SCAMP4: variants seen among roughly 807,000 people sequenced by gnomAD.
SCAMP4 encodes the protein secretory carrier membrane protein 4.
SCAMP4 carries 19 observed loss-of-function variants against 32.1 expected under a neutral mutation model. The ratio of observed to expected loss-of-function variants is 0.59; its 90% CI spans 0.41 to 0.87. The LOEUF is 0.87. SCAMP4 is among the 40% of genes least tolerant of loss of function. SCAMP4 has a pLI of 0.00. For missense variants in SCAMP4, 302 were observed against 309.0 expected (o/e 0.98, Z 0.17); for synonymous variants, 152 against 132.7 (o/e 1.15, Z -1.00).
chr19:1,918,770 A>T lies in SCAMP4; in HGVS notation c.294-119A>T, dbSNP rs942723502. The T allele has an allele frequency of 3.6e-3, 5,114 of 1,435,200 alleles. 20 individuals carry two copies. The highest frequency in any genetic ancestry group is 4.1e-3 in the Non-Finnish European group (4,448 of 1,086,664). 88.9% of individuals were successfully genotyped at this position (1,435,200 alleles called of 1,614,324 possible). A position where few individuals can be genotyped will look rare whatever the true frequency, so the allele number is the denominator to read the frequency against. On this transcript the variant is annotated intron_variant, in intron 4 of 6. Transcript: ENST00000316097. The stretch of plus-strand genomic sequence containing the variant: ...GAGTGAGACTCCATCTCAAAAAAAA[A>T]AAAAAAGGAATAAAATAGAGCCTCC...
intron 1 of SCAMP4, among the ~76,000 whole-genome samples, chr19:1,910,866 C>T (rs1157278395): frequency 1.3e-5 from 2 of 149,516 alleles, no homozygotes; most frequent in African/African-American, 5.0e-5. Flanking sequence ...TAAGCCACCA[C>T]GCCTGGCTTT....
intron 1 of SCAMP4, 42 bp downstream of exon 1, chr19:1,905,481 A>G: frequency 2.2e-6 from 1 of 444,774 alleles, no homozygotes; most frequent in Non-Finnish European, 4.7e-6. Context: ...CCAGGCTCAG[A>G]CTTCCCCAGA....
chr19:1,907,735 T>G (rs1214153986), intron 1 of SCAMP4, among the ~76,000 whole-genome samples: 1 of 152,124 alleles, frequency 6.6e-6, no homozygotes, highest in Non-Finnish European at 1.5e-5. Context: ...CTGGGCTGCC[T>G]GCCCTCCTGA....
intron 1 of SCAMP4, among the ~76,000 whole-genome samples, chr19:1,913,646 G>A (rs2054069525): frequency 6.6e-6 from 1 of 152,212 alleles, no homozygotes; most frequent in African/African-American, 2.4e-5. Context: ...TTCCAGGCGT[G>A]CCTGGCCCAA....
chr19:1,923,082 G>T lies in SCAMP4; in HGVS notation c.408G>T (p.Ser136=). ...FSGWGACGWL[S]AIGFFQYSPG... ...TTGTCCCTTGCAGCGGCTGGCTGTC[G>T]GCAATTGGATTCTTCCAGTACAGCC... The change falls in exon 6 of 7, where the codon TCG becomes TCT. Residue 136 remains serine (S), a synonymous_variant. Coordinates refer to ENST00000316097, the MANE Select transcript of SCAMP4 (RefSeq NM_079834.4). 1 of 1,549,574 alleles carries T rather than the reference G, an allele frequency of 6.5e-7. No homozygotes were observed. The highest frequency in any genetic ancestry group is 8.7e-7 in the Non-Finnish European group (1 of 1,146,084).
At chr19:1,913,819 C>G (rs1023905457) in intron 1 of SCAMP4, among the ~76,000 whole-genome samples, 3 of 152,238 alleles carry the variant, frequency 2.0e-5, no homozygotes, top group African/African-American at 7.2e-5. Flanking sequence ...GGAGCAGGAC[C>G]TGTGGGTCCA....
At chr19:1,916,854 C>G (rs572888538) in intron 2 of SCAMP4, among the ~76,000 whole-genome samples, 1 of 152,216 alleles carries the variant, frequency 6.6e-6, no homozygotes, top group Admixed American at 6.5e-5. Context: ...CCGCAGTGTG[C>G]GGACTCGGCC....
chr19:1,917,249 T>C (rs1420116128), intron 2 of SCAMP4, among the ~76,000 whole-genome samples: 4 of 152,172 alleles, frequency 2.6e-5, no homozygotes, highest in Non-Finnish European at 1.5e-5. Flanking sequence ...GAGGCTGCAG[T>C]GAGCCGAGAT....
intron 2 of SCAMP4, among the ~76,000 whole-genome samples, chr19:1,916,983 A>T (rs541687273): frequency 2.5e-3 from 376 of 152,336 alleles, no homozygotes; most frequent in African/African-American, 8.7e-3. Flanking sequence ...AGGGCCCTGC[A>T]TGAAGGGTGA....
intron 5 of SCAMP4, among the ~76,000 whole-genome samples, chr19:1,919,685 G>C (rs753084621): frequency 1.3e-5 from 2 of 151,094 alleles, no homozygotes; most frequent in Non-Finnish European, 1.5e-5. Context: ...TTTTAGTAGA[G>C]ACGGGGTTTC....
Position 1,909,577 on chromosome 19 carries a change from TGTGCCAGCAGCAGGGATGTCCTCACC to T in SCAMP4, c.-42+4139_-42+4164del, listed in dbSNP as rs2013327310. Among the ~76,000 whole-genome samples the T allele has an allele frequency of 5.9e-4, 59 of 99,870 alleles. 2 individuals are homozygous for T. The South Asian group carries it at 0.019, about 32-fold the overall frequency. 65.5% of individuals were successfully genotyped at this position (99,870 alleles called of 152,430 possible). A position where few individuals can be genotyped will look rare whatever the true frequency, so the allele number is the denominator to read the frequency against. On this transcript the variant is annotated intron_variant, in intron 1 of 6. Coordinates refer to ENST00000316097, the MANE Select transcript of SCAMP4 (RefSeq NM_079834.4). ...TGCCAGTGGCTGGGATGTCTTCACC[TGTGCCAGCAGCAGGGATGTCCTCACC>T]TGTGCCAGCGGCAGGGATGGTAACA... is the stretch of plus-strand genomic sequence containing the variant.
At position 1,918,400 on chromosome 19, in the gene SCAMP4, T is replaced by G. The variant is rs531948406; in HGVS notation, c.293+117T>G. 11 of 1,186,882 alleles carry G rather than the reference T, an allele frequency of 9.3e-6. No homozygotes were observed. In the South Asian group the frequency reaches 1.9e-4, roughly 20 times the overall value. The allele number at this position is 1,186,882 out of a possible 1,614,324, so 73.5% of individuals were successfully genotyped here. On this transcript the variant is annotated intron_variant, in intron 4 of 6. Coordinates refer to ENST00000316097, the MANE Select transcript of SCAMP4 (RefSeq NM_079834.4). ...TTTCTCTGCCCAGTGTGAAAGACAG[T>G]TCACATCTGGGGGTGGCAAACTGTG...
intron 2 of SCAMP4, among the ~76,000 whole-genome samples, chr19:1,916,935 ACC>A (rs1180824731): frequency 2.0e-5 from 3 of 152,210 alleles, no homozygotes; most frequent in African/African-American, 7.2e-5. Flanking sequence ...CTGCAGCCGC[ACC>A]CACACTAAAC....
At chr19:1,909,735 C>T (rs2013337943) in intron 1 of SCAMP4, among the ~76,000 whole-genome samples, 1 of 152,164 alleles carries the variant, frequency 6.6e-6, no homozygotes, top group African/African-American at 2.4e-5. Context: ...CCAGCTCTTC[C>T]CGCAGCCCCA....
chr19:1,913,008 C>T lies in SCAMP4; in HGVS notation c.-41-1971C>T, dbSNP rs780693542. The T allele has an allele frequency of 6.2e-6, 10 of 1,607,334 alleles. No homozygotes were observed. The East Asian group carries it at 2.0e-4, about 32-fold the overall frequency. On this transcript the variant is annotated intron_variant, in intron 1 of 6. Transcript: ENST00000316097. ...GGCCCTGGTGCACGCACGCATCCTG[C>T]GCGTCTTCTACGGTGCGCCCTCGCC... is the stretch of plus-strand genomic sequence containing the variant.
At chr19:1,921,170 C>A in intron 5 of SCAMP4, 1 of 985,166 alleles carries the variant, frequency 1.0e-6, no homozygotes, top group South Asian at 4.7e-5. Context: ...GGGACAGCCC[C>A]GCTCTCCCTG....
intron 5 of SCAMP4, chr19:1,921,318 A>G (rs1162789073): frequency 1.8e-5 from 18 of 985,304 alleles, no homozygotes; most frequent in East Asian, 1.1e-4. Context: ...GCCCGAGGCC[A>G]TGAGCCACGG....
At chr19:1,922,982 C>G in intron 5 of SCAMP4, 88 bp from the exon 6 acceptor site, 1 of 1,419,258 alleles carries the variant, frequency 7.0e-7, no homozygotes, top group Non-Finnish European at 9.2e-7. Context: ...TTGGCCAGAG[C>G]TCTTTACATG....
intron 4 of SCAMP4, chr19:1,918,569 C>T (rs2013811623): frequency 2.0e-6 from 1 of 505,392 alleles, no homozygotes; most frequent in Non-Finnish European, 3.5e-6. Context: ...CAAGACCAGC[C>T]TGGCCAACAT....
Sources: gnomAD v4.1 joint callset for allele counts (sites outside exome capture counted in the v4.1 genomes callset) on GRCh38, gnomAD v4.1.1 for gene constraint, MANE v1.5 for transcripts, NCBI Gene and HGNC (gene_info 2026-07-23, HGNC 2026-07-21) for gene names.